SCD5: variants seen among roughly 807,000 people sequenced by gnomAD.
SCD5 encodes acyl-CoA-desaturase 4.
SCD5 carries 20 observed loss-of-function variants against 30.4 expected under a neutral mutation model. The ratio of observed to expected loss-of-function variants is 0.66; its 90% confidence interval spans 0.46 to 0.96. The LOEUF (loss-of-function observed/expected upper bound fraction) is 0.96, where lower values mean the gene tolerates loss of function less well. Among genes scored for constraint, SCD5 ranks in the 40% least tolerant of loss-of-function variants. SCD5 has a pLI of 0.00. For synonymous variants in SCD5, 173 were observed against 176.4 expected (o/e 0.98, Z 0.16); for missense variants, 381 against 443.3 (o/e 0.86, Z 1.26).
chr4:82,666,579 G>A (rs550492962), intron 3 of SCD5, among the ~76,000 whole-genome samples: 1 of 151,574 alleles, frequency 6.6e-6, no homozygotes, highest in African/African-American at 2.4e-5. Flanking sequence ...ACTCTACATA[G>A]CCTAGAAAGA....
intron 2 of SCD5, chr4:82,691,735 G>C (rs766380735): frequency 1.4e-4 from 21 of 152,222 alleles, no homozygotes; most frequent in African/African-American, 5.1e-4. Context: ...CAAATGTTCC[G>C]GATAGAAGCA....
intron 3 of SCD5, among the ~76,000 whole-genome samples, chr4:82,646,894 G>C (rs2135502): frequency 0.91 from 139,100 of 152,208 alleles, 63,633 homozygotes; most frequent in East Asian, 1. Context: ...GTGATCTCGG[G>C]TCACTGCAAC....
chr4:82,736,858 G>A (rs1430627806), intron 1 of SCD5, among the ~76,000 whole-genome samples: 1 of 151,992 alleles, frequency 6.6e-6, no homozygotes, highest in Non-Finnish European at 1.5e-5. Context: ...TAGACACGGG[G>A]TCTTGCCATG....
rs1156718474 is a variant in SCD5 at position 82,731,226 on chromosome 4, G to A, written c.233-25813C>T. Among the ~76,000 whole-genome samples, 3 of 152,202 alleles carry A rather than the reference G, an allele frequency of 2.0e-5. No homozygotes were observed. The East Asian group carries it at 5.8e-4, about 29-fold the overall frequency. ...TCCTGGTAGCCAGCTGGTTGTAGCT[G>A]GAAGCAGCAATTATTTTGCTTTTGT... On this transcript the variant is annotated intron_variant, in intron 1 of 4. Transcript: ENST00000319540.
intron 2 of SCD5, among the ~76,000 whole-genome samples, chr4:82,693,890 C>T (rs964097209): frequency 6.6e-6 from 1 of 152,202 alleles, no homozygotes; most frequent in African/African-American, 2.4e-5. Context: ...CTGGATATTG[C>T]ACACACTGGC....
At chr4:82,720,761 C>T (rs1005312427) in intron 1 of SCD5, among the ~76,000 whole-genome samples, 2 of 152,134 alleles carry the variant, frequency 1.3e-5, no homozygotes, top group African/African-American at 4.8e-5. Flanking sequence ...CTGCACAGCC[C>T]AAGGCTTGCC....
At chr4:82,666,404 T>C (rs1179296061) in intron 3 of SCD5, among the ~76,000 whole-genome samples, 2 of 152,184 alleles carry the variant, frequency 1.3e-5, no homozygotes, top group East Asian at 3.9e-4. Context: ...TAGTCCCACC[T>C]ACTCGGGAGG....
chr4:82,680,432 T>C (rs1367441943), intron 3 of SCD5, among the ~76,000 whole-genome samples: 1 of 152,158 alleles, frequency 6.6e-6, no homozygotes, highest in Admixed American at 6.5e-5. Context: ...ACAGATTCCA[T>C]GAAATCAGCC....
At chr4:82,706,330 T>C (rs1719968332) in intron 1 of SCD5, among the ~76,000 whole-genome samples, 2 of 152,250 alleles carry the variant, frequency 1.3e-5, no homozygotes, top group African/African-American at 4.8e-5. Context: ...ATGAAAAACA[T>C]TGGCTAAAAA....
chr4:82,767,469 C>T (rs981639614), intron 1 of SCD5, among the ~76,000 whole-genome samples: 1 of 152,146 alleles, frequency 6.6e-6, no homozygotes, highest in Non-Finnish European at 1.5e-5. Flanking sequence ...ATTGTAGGCT[C>T]ACCTTGTTTG....
intron 1 of SCD5, among the ~76,000 whole-genome samples, chr4:82,792,753 A>C (rs1722126291): frequency 6.6e-6 from 1 of 152,222 alleles, no homozygotes. Context: ...ATTCTCAAAT[A>C]ACTGTCTGCT....
chr4:82,743,130 C>CGATTATCA (rs1720912156), intron 1 of SCD5, among the ~76,000 whole-genome samples: 1 of 152,070 alleles, frequency 6.6e-6, no homozygotes, highest in Admixed American at 6.6e-5. Context: ...TTCAAAGGTT[C>CGATTATCA]GATTATCAGC....
chr4:82,746,466 G>T (rs1390057286), intron 1 of SCD5, among the ~76,000 whole-genome samples: 1 of 152,096 alleles, frequency 6.6e-6, no homozygotes, highest in Non-Finnish European at 1.5e-5. Flanking sequence ...AGACCACGAT[G>T]ACATATTTTT....
intron 1 of SCD5, among the ~76,000 whole-genome samples, chr4:82,760,554 C>T (rs538754942): frequency 2.0e-5 from 3 of 152,250 alleles, no homozygotes; most frequent in East Asian, 1.9e-4. Context: ...CCACCACATC[C>T]GGCTAATTTT....
chr4:82,695,035 A>C (rs1722651915), intron 2 of SCD5, among the ~76,000 whole-genome samples: 1 of 128,572 alleles, frequency 7.8e-6, no homozygotes, highest in Non-Finnish European at 1.6e-5. Flanking sequence ...CAGCCCTTGC[A>C]GCAGGCGTCT....
At chr4:82,705,534 A>G in intron 1 of SCD5, 121 bp from the exon 2 acceptor site, 2 of 1,314,176 alleles carry the variant, frequency 1.5e-6, no homozygotes, top group Non-Finnish European at 2.1e-6. Context: ...AAGCTGCAAC[A>G]TGAAGAATCA....
chr4:82,648,730 C>T (rs4359892), intron 3 of SCD5, among the ~76,000 whole-genome samples: 129,019 of 149,766 alleles, frequency 0.86, 54,937 homozygotes, highest in East Asian at 1. Context: ...TGCTTCTTTG[C>T]TCCTTCTAAC....
intron 2 of SCD5, 54 bp from the exon 3 acceptor site, chr4:82,680,966 C>T: frequency 1.3e-6 from 2 of 1,540,984 alleles, no homozygotes; most frequent in Non-Finnish European, 1.8e-6. Context: ...GCCGAGCATC[C>T]TCCTGGGAAG....
intron 1 of SCD5, among the ~76,000 whole-genome samples, chr4:82,737,099 G>A (rs1048991018): frequency 6.6e-6 from 1 of 151,822 alleles, no homozygotes; most frequent in Non-Finnish European, 1.5e-5. Context: ...ACTACACTTC[G>A]CCATGTTGCT....
Sources: gnomAD v4.1 joint callset for allele counts (sites outside exome capture counted in the v4.1 genomes callset) on GRCh38, gnomAD v4.1.1 for gene constraint, MANE v1.5 for transcripts, NCBI Gene and HGNC (gene_info 2026-07-23, HGNC 2026-07-21) for gene names.